ZHX3: variants seen among roughly 807,000 people sequenced by gnomAD.
ZHX3 encodes the protein zinc fingers and homeoboxes 3.
In ZHX3, 20 loss-of-function variants were observed where a neutral mutation model predicts 64.5. The ratio of observed to expected loss-of-function variants is 0.31; its 90% CI spans 0.22 to 0.45. The LOEUF is 0.45. Among genes scored for constraint, ZHX3 ranks in the 20% least tolerant of loss-of-function variants. The pLI is 1.00. For missense variants in ZHX3, 1,041 were observed against 1,195.8 expected (o/e 0.87, Z 1.91); for synonymous variants, 423 against 461.6 (o/e 0.92, Z 1.07).
chr20:41,301,446 A>G (rs2044800145), intron 1 of ZHX3, among the ~76,000 whole-genome samples: 1 of 152,136 alleles, frequency 6.6e-6, no homozygotes, highest in Admixed American at 6.6e-5. Flanking sequence ...TTTGCGCTCC[A>G]GTATCTTCTC....
chr20:41,211,209 T>C (rs562269687), intron 2 of ZHX3, among the ~76,000 whole-genome samples: 5 of 152,242 alleles, frequency 3.3e-5, no homozygotes, highest in Admixed American at 3.3e-4. Flanking sequence ...AGAATGATAA[T>C]CATCATTATT....
In ZHX3 at chr20:41,203,256, C is replaced by A; in HGVS notation, c.1661G>T (p.Gly554Val). 2 of 1,614,130 alleles carry A rather than the reference C, an allele frequency of 1.2e-6. No individual in the cohort carries two copies. The highest frequency in any genetic ancestry group is 1.7e-6 in the Non-Finnish European group (2 of 1,180,016). ...DRRYHCRNLK[G>V]SRAMIPGDHS... ...ATCTCCAGGTATCATCGCTCTGGAG[C>A]CCTTCAAGTTCCGGCAGTGGTATCT... The change falls in exon 3 of 4, where the codon GGC becomes GTC. Residue 554 changes from glycine to valine, a missense_variant. Gly to Val is a moderately radical substitution (Grantham distance 109). Coordinates refer to ENST00000683867, the MANE Select transcript of ZHX3 (RefSeq NM_001384317.1). The surrounding 1 kb of genome is among the most constrained non-coding windows in gnomAD (Gnocchi z 7.1).
intron 3 of ZHX3, chr20:41,196,792 A>G (rs1338511764): frequency 5.8e-6 from 1 of 173,244 alleles, no homozygotes; most frequent in Non-Finnish European, 1.2e-5. Context: ...ACCAAGAAAA[A>G]AAAAAAAAAG....
At position 41,243,534 on chromosome 20, in the gene ZHX3, A is replaced by C. The variant is rs527327277; in HGVS notation, c.-151+25456T>G. ...TGTCTTACCTATGTGGAAGCTAAAT[A>C]AAGCTCAGGAAAGTTATATCTTTTG... On this transcript the variant is annotated intron_variant, in intron 2 of 3. Coordinates refer to ENST00000683867, the MANE Select transcript of ZHX3 (RefSeq NM_001384317.1). Among the ~76,000 whole-genome samples the C allele has an allele frequency of 2.6e-5, 4 of 152,354 alleles. No homozygotes were observed. The South Asian group carries it at 8.3e-4, about 32-fold the overall frequency.
intron 2 of ZHX3, among the ~76,000 whole-genome samples, chr20:41,222,882 C>T (rs954058004): frequency 6.8e-6 from 1 of 146,610 alleles, no homozygotes; most frequent in African/African-American, 2.5e-5. Context: ...GGTGAGCTCA[C>T]TTGAATTTCT....
At chr20:41,274,517 C>T (rs901015894) in intron 1 of ZHX3, among the ~76,000 whole-genome samples, 2 of 152,122 alleles carry the variant, frequency 1.3e-5, no homozygotes, top group African/African-American at 2.4e-5. Context: ...TGGCTAAAGT[C>T]TGTGAGAGAA....
intron 1 of ZHX3, among the ~76,000 whole-genome samples, chr20:41,286,999 G>T (rs2043969644): frequency 6.6e-6 from 1 of 152,144 alleles, no homozygotes; most frequent in South Asian, 2.1e-4. Context: ...CAGTCATGTG[G>T]AACTGTGAAT....
rs2038809927 is a variant in ZHX3, at chr20:41,207,442, A to G, written c.-150-2376T>C. On this transcript the variant is annotated intron_variant, in intron 2 of 3. Transcript: ENST00000683867. ...ACTCCAAAATTGACCACATAGTTGGAAGTAAAGCACTCCTCAGCAAATGTA... is the reference window on the plus strand; with the variant it reads ...ACTCCAAAATTGACCACATAGTTGGGAGTAAAGCACTCCTCAGCAAATGTA... Among the ~76,000 whole-genome samples the G allele has an allele frequency of 2.0e-5, 3 of 152,200 alleles. No individual in the cohort carries two copies. The South Asian group carries it at 6.2e-4, about 31-fold the overall frequency.
intron 2 of ZHX3, among the ~76,000 whole-genome samples, chr20:41,255,773 G>T (rs1374111847): frequency 6.6e-6 from 1 of 152,322 alleles, no homozygotes; most frequent in African/African-American, 2.4e-5. Context: ...TCTGACTCAA[G>T]AATTTAAATT....
chr20:41,204,702 A>G lies in ZHX3; in HGVS notation c.215T>C (p.Leu72Ser). The change falls in exon 3 of 4, where the codon TTA becomes TCA. Residue 72 changes from leucine (L) to serine (S), a missense_variant. This residue lies in a region of ZHX3 where 358 missense variants were observed against 369.1 expected (regional missense o/e 0.97). Coordinates refer to ENST00000683867, the MANE Select transcript of ZHX3 (RefSeq NM_001384317.1). This position sits in a 1 kb window ranked among gnomAD's most constrained non-coding sequence, Gnocchi z 6.6. ...STLANGHRST[L>S]DGYLYSCKYC... ...TTTACAGGAATATAAATAGCCATCTAAAGTGCTCCGATGCCCATTGGCCAG... is the reference window on the plus strand; with the variant it reads ...TTTACAGGAATATAAATAGCCATCTGAAGTGCTCCGATGCCCATTGGCCAG... The G allele has an allele frequency of 6.2e-7, 1 of 1,614,270 alleles. No homozygotes were observed. The highest frequency in any genetic ancestry group is 2.2e-5 in the East Asian group (1 of 44,884).
intron 2 of ZHX3, among the ~76,000 whole-genome samples, chr20:41,264,299 T>C (rs2042714278): frequency 7.4e-6 from 1 of 135,334 alleles, no homozygotes. Flanking sequence ...CCCAGCACTG[T>C]GGGAGGCCGA....
At chr20:41,227,154 T>A (rs1431145503) in intron 2 of ZHX3, among the ~76,000 whole-genome samples, 2 of 152,164 alleles carry the variant, frequency 1.3e-5, no homozygotes, top group Non-Finnish European at 2.9e-5. Context: ...TTCTGTATTT[T>A]CCCAGAGCTC....
In ZHX3 at chr20:41,203,014, G is replaced by C; in HGVS notation, c.1903C>G (p.Pro635Ala). 1.2e-6 allele frequency: 2 copies of C among 1,614,068 alleles called. No individual in the cohort carries two copies. The highest frequency in any genetic ancestry group is 2.2e-5 in the South Asian group (2 of 91,070). ...RALESSFAQN[P>A]LPLDEELDRL... Reference sequence around the variant, plus strand: ...TCCAGTTCCTCATCAAGAGGAAGAGGGTTTTGTGCAAAACTGCTCTCCAGG... The same window carrying C: ...TCCAGTTCCTCATCAAGAGGAAGAGCGTTTTGTGCAAAACTGCTCTCCAGG... Residue 635 changes from proline to alanine, a missense_variant, in exon 3 of 4, where the codon CCT becomes GCT. Coordinates refer to ENST00000683867, the MANE Select transcript of ZHX3 (RefSeq NM_001384317.1). This position sits in a 1 kb window ranked among gnomAD's most constrained non-coding sequence, Gnocchi z 7.1.
rs916684120 is a variant in ZHX3 at position 41,228,513 on chromosome 20, G to A, written c.-150-23447C>T. Among the ~76,000 whole-genome samples, 1 of 152,174 alleles carries A rather than the reference G, an allele frequency of 6.6e-6. No homozygotes were observed. Among genetic ancestry groups the A allele is most frequent in the African/African-American group, 2.4e-5 (1 of 41,424 alleles). On this transcript the variant is annotated intron_variant, in intron 2 of 3. Coordinates refer to ENST00000683867, the MANE Select transcript of ZHX3 (RefSeq NM_001384317.1). This position sits in a 1 kb window ranked among gnomAD's most constrained non-coding sequence, Gnocchi z 4.6. ...CCAGGAAGTCCAAGATGAAGGTGCT[G>A]GCATATTCAGTGTCTGGTGAGGGCC...
At chr20:41,246,527 G>A (rs2041696834) in intron 2 of ZHX3, among the ~76,000 whole-genome samples, 1 of 152,028 alleles carries the variant, frequency 6.6e-6, no homozygotes, top group East Asian at 1.9e-4. Flanking sequence ...AGGGTAATAG[G>A]TTAAGAAGAA....
chr20:41,208,852 A>T (rs900454031), intron 2 of ZHX3, among the ~76,000 whole-genome samples: 1 of 152,226 alleles, frequency 6.6e-6, no homozygotes, highest in African/African-American at 2.4e-5. Context: ...GCAATCAGGC[A>T]GGAGAAAGAA....
At chr20:41,211,533 C>T (rs577787467) in intron 2 of ZHX3, among the ~76,000 whole-genome samples, 1 of 152,038 alleles carries the variant, frequency 6.6e-6, no homozygotes, top group Non-Finnish European at 1.5e-5. Flanking sequence ...AATTTAATGT[C>T]TATAATTTGG....
rs2038188238 is a variant in ZHX3, at chr20:41,201,188, G to C, written c.2860+869C>G. 1.3e-5 allele frequency: 11 copies of C among 823,994 alleles called. No individual in the cohort carries two copies. The highest frequency in any genetic ancestry group is 1.8e-5 in the Non-Finnish European group (11 of 597,966). 51.0% of individuals were successfully genotyped at this position (823,994 alleles called of 1,614,324 possible). A position where few individuals can be genotyped will look rare whatever the true frequency, so the allele number is the denominator to read the frequency against. On this transcript the variant is annotated intron_variant, in intron 3 of 3. Coordinates refer to ENST00000683867, the MANE Select transcript of ZHX3 (RefSeq NM_001384317.1). The surrounding 1 kb of genome is among the most constrained non-coding windows in gnomAD (Gnocchi z 5.0). ...CCCAACACCACAAATAGTGTCTCCT[G>C]TACCCCCTCCCACATTGCCAACTCA...
intron 1 of ZHX3, 87 bp downstream of exon 1, chr20:41,317,422 G>C (rs911798977): frequency 1.3e-5 from 2 of 152,096 alleles, no homozygotes; most frequent in African/African-American, 4.8e-5. Flanking sequence ...CGCAGACACA[G>C]GGTCTGACAG....
Sources: allele counts gnomAD v4.1 joint callset (sites outside exome capture counted in the v4.1 genomes callset), GRCh38; gene constraint gnomAD v4.1.1; regional missense constraint gnomAD v4.1.1; non-coding constraint Gnocchi (gnomAD v3.1); transcripts MANE v1.5; gene names NCBI Gene and HGNC (gene_info 2026-07-23, HGNC 2026-07-21).